The following VIPR2 variants were observed in gnomAD, a reference collection of about 807,000 sequenced individuals.
VIPR2 encodes the protein vasoactive intestinal polypeptide receptor 2.
VIPR2 carries 48 observed loss-of-function variants against 58.0 expected under a neutral mutation model. That is an observed-to-expected ratio of 0.83 (90% CI 0.66 to 1.05). The LOEUF (loss-of-function observed/expected upper bound fraction) is 1.05, where lower values mean the gene tolerates loss of function less well. Among genes scored for constraint, VIPR2 ranks in the 50% least tolerant of loss-of-function variants. The probability of loss-of-function intolerance (pLI) is 0.00; values close to 1 mark genes in which losing one functional copy is unlikely to be tolerated. For synonymous variants in VIPR2, 243 were observed against 235.2 expected (o/e 1.03, Z -0.30); for missense variants, 534 against 558.0 (o/e 0.96, Z 0.43).
At position 159,107,152 on chromosome 7, in the gene VIPR2, C is replaced by T. The variant is rs567068222; in HGVS notation, c.259+2660G>A. On this transcript the variant is annotated intron_variant, in intron 3 of 12. Coordinates refer to ENST00000262178, the MANE Select transcript of VIPR2 (RefSeq NM_003382.5). ...ACATCATCCTCCACTGGGGGATGTG[C>T]TGATGCCCCTTTAAAGGATCAGAAC... Among the ~76,000 whole-genome samples, 3 of 152,296 alleles carry T rather than the reference C, an allele frequency of 2.0e-5. No homozygotes were observed. In the East Asian group the frequency reaches 5.8e-4, roughly 29 times the overall value.
At chr7:159,082,597 A>T (rs1026755140) in intron 4 of VIPR2, among the ~76,000 whole-genome samples, 4 of 152,248 alleles carry the variant, frequency 2.6e-5, no homozygotes, top group Admixed American at 2.6e-4. Flanking sequence ...GTGCACATGT[A>T]CCCTAAAACT....
At chr7:159,144,561 G>C in intron 1 of VIPR2, 160 bp downstream of exon 1, 2 of 1,453,776 alleles carry the variant, frequency 1.4e-6, no homozygotes, top group South Asian at 2.8e-5. Context: ...CGCTCTCCGG[G>C]AGGAAGCTCC....
chr7:159,105,536 G>A (rs949088736), intron 3 of VIPR2, among the ~76,000 whole-genome samples: 3 of 152,130 alleles, frequency 2.0e-5, no homozygotes, highest in African/African-American at 4.8e-5. Context: ...AGAGAGGGCC[G>A]GGCCAGGCTC....
chr7:159,055,916 C>T (rs3793216), intron 5 of VIPR2, among the ~76,000 whole-genome samples: 119 of 152,286 alleles, frequency 7.8e-4, no homozygotes, highest in East Asian at 3.9e-3. Context: ...GTGTGGCTTC[C>T]GGAAAGGGGG....
chr7:159,103,741 C>A lies in VIPR2; in HGVS notation c.357+16G>T. 1 of 1,609,216 alleles carries A rather than the reference C, an allele frequency of 6.2e-7. No individual in the cohort carries two copies. The highest frequency in any genetic ancestry group is 8.5e-7 in the Non-Finnish European group (1 of 1,175,704). On this transcript the variant is annotated intron_variant, in intron 4 of 12. Coordinates refer to ENST00000262178, the MANE Select transcript of VIPR2 (RefSeq NM_003382.5). ...GAAGTGGAACCTCACCACCGTAGCA[C>A]CACGCAGGAGCCTACCTTGCTCTCA...
chr7:159,082,409 G>A (rs1741616950), intron 4 of VIPR2, among the ~76,000 whole-genome samples: 1 of 151,900 alleles, frequency 6.6e-6, no homozygotes, highest in African/African-American at 2.4e-5. Context: ...GGTGGGAATT[G>A]AACAATGAGA....
chr7:159,142,414 G>T, intron 2 of VIPR2, 32 bp downstream of exon 2: 1 of 1,530,196 alleles, frequency 6.5e-7, no homozygotes, highest in Non-Finnish European at 9.0e-7. Flanking sequence ...AGAATGTCAC[G>T]GGAGTTCTTA....
chr7:159,054,957 A>C (rs1225349828), intron 5 of VIPR2, among the ~76,000 whole-genome samples: 1 of 152,200 alleles, frequency 6.6e-6, no homozygotes, highest in Non-Finnish European at 1.5e-5. Context: ...TGTAAATATA[A>C]ATGTGTGTAC....
In VIPR2 at chr7:159,111,696, A is replaced by G. The variant is rs1440334758; in HGVS notation, c.152-1777T>C. 2.6e-5 allele frequency among the ~76,000 whole-genome samples: 4 copies of G among 151,528 alleles called. No individual in the cohort carries two copies. The East Asian group carries it at 5.8e-4, about 22-fold the overall frequency. ...TTCCGTCTCAAAAAAAAAAAGCAAT[A>G]ATTATATAATATTGTTATTTTAAAA... On this transcript the variant is annotated intron_variant, in intron 2 of 12. Transcript: ENST00000262178.
intron 4 of VIPR2, among the ~76,000 whole-genome samples, chr7:159,101,420 G>A (rs1277604823): frequency 1.5e-5 from 2 of 131,420 alleles, no homozygotes; most frequent in African/African-American, 3.0e-5. Context: ...CGGGTCTCAC[G>A]AGATCCGACG....
At position 159,098,071 on chromosome 7, in the gene VIPR2, A is replaced by C; in HGVS notation, c.357+5686T>G. Among the ~76,000 whole-genome samples the C allele has an allele frequency of 6.6e-6, 1 of 152,152 alleles. No homozygotes were observed. Among genetic ancestry groups the C allele is most frequent in the Non-Finnish European group, 1.5e-5 (1 of 68,018 alleles). On this transcript the variant is annotated intron_variant, in intron 4 of 12. Transcript: ENST00000262178. This position sits in a 1 kb window ranked among gnomAD's most constrained non-coding sequence, Gnocchi z 5.2. The stretch of plus-strand genomic sequence containing the variant: ...CCTGAGCCCTGCCGGGGCAAGCGGA[A>C]TCCCCAGCCTCACACCAGCCCGGCC...
chr7:159,084,182 G>A (rs949003869), intron 4 of VIPR2, among the ~76,000 whole-genome samples: 1 of 152,252 alleles, frequency 6.6e-6, no homozygotes, highest in Non-Finnish European at 1.5e-5. Context: ...TAGTAAACAA[G>A]ACCAACGCGC....
At chr7:159,079,807 T>A (rs1321628958) in intron 4 of VIPR2, among the ~76,000 whole-genome samples, 2 of 152,126 alleles carry the variant, frequency 1.3e-5, no homozygotes, top group African/African-American at 2.4e-5. Context: ...CCCACAGAAA[T>A]ACAAACTACC....
intron 2 of VIPR2, among the ~76,000 whole-genome samples, chr7:159,130,701 G>A (rs568617869): frequency 1.6e-4 from 24 of 152,336 alleles, no homozygotes; most frequent in African/African-American, 4.8e-4. Context: ...CCCACATGGC[G>A]TGGCCGGCAT....
At chr7:159,107,870 A>G (rs1795824011) in intron 3 of VIPR2, among the ~76,000 whole-genome samples, 1 of 151,918 alleles carries the variant, frequency 6.6e-6, no homozygotes, top group Non-Finnish European at 1.5e-5. Flanking sequence ...GATGATGCAC[A>G]GTGCCGGACA....
chr7:159,108,586 G>A (rs1265763043), intron 3 of VIPR2, among the ~76,000 whole-genome samples: 1 of 152,194 alleles, frequency 6.6e-6, no homozygotes, highest in Non-Finnish European at 1.5e-5. Flanking sequence ...ACAGGCAGCA[G>A]CAGGATGCTT....
intron 7 of VIPR2, 140 bp from the exon 8 acceptor site, chr7:159,036,152 A>G: frequency 9.4e-7 from 1 of 1,069,338 alleles, no homozygotes; most frequent in East Asian, 2.7e-5. Flanking sequence ...AGTCTTTGTA[A>G]ATATTTACAA....
intron 5 of VIPR2, among the ~76,000 whole-genome samples, chr7:159,052,381 C>T (rs1585368823): frequency 6.6e-6 from 1 of 152,232 alleles, no homozygotes; most frequent in East Asian, 1.9e-4. Flanking sequence ...TCTGAATAGT[C>T]CTATATCTGG....
chr7:159,063,182 C>G (rs764709015), intron 4 of VIPR2, among the ~76,000 whole-genome samples: 83 of 152,120 alleles, frequency 5.5e-4, no homozygotes, highest in Non-Finnish European at 1.0e-3. Context: ...TGCCGCGGAG[C>G]AGGGGGCGGC....
Sources: gnomAD v4.1 joint callset for allele counts (sites outside exome capture counted in the v4.1 genomes callset) on GRCh38, gnomAD v4.1.1 for gene constraint, Gnocchi (gnomAD v3.1) non-coding constraint, MANE v1.5 for transcripts, NCBI Gene and HGNC (gene_info 2026-07-23, HGNC 2026-07-21) for gene names.